Variants in DCC observed in about 807,000 individuals in gnomAD.
DCC encodes the protein DCC netrin 1 receptor, also known as netrin receptor DCC.
In DCC, 58 loss-of-function variants were observed where a neutral mutation model predicts 172.5. That is an observed-to-expected ratio of 0.34 (90% confidence interval 0.27 to 0.42). The LOEUF (loss-of-function observed/expected upper bound fraction) is 0.42. Among genes scored for constraint, DCC ranks in the 10% least tolerant of loss-of-function variants. The pLI is 1.00. For synonymous variants in DCC, 709 were observed against 644.5 expected (o/e 1.10, Z -1.52); for missense variants, 1,740 against 1,791.0 (o/e 0.97, Z 0.51).
At chr18:52,731,378 T>C (rs775825632) in intron 1 of DCC, among the ~76,000 whole-genome samples, 31 of 152,260 alleles carry the variant, frequency 2.0e-4, no homozygotes, top group Admixed American at 8.5e-4. Context: ...AGGAAAAAAA[T>C]GCACAAAGAG....
At chr18:52,802,804 G>A (rs1255394872) in intron 2 of DCC, among the ~76,000 whole-genome samples, 1 of 150,920 alleles carries the variant, frequency 6.6e-6, no homozygotes, top group Admixed American at 6.6e-5. Flanking sequence ...CTGTAGCCCA[G>A]CCCTGAAAAT....
At chr18:52,629,531 A>G (rs899288046) in intron 1 of DCC, among the ~76,000 whole-genome samples, 6 of 152,134 alleles carry the variant, frequency 3.9e-5, no homozygotes, top group Non-Finnish European at 8.8e-5. Flanking sequence ...CAAGTAAGAG[A>G]GGGCCGAGCA....
intron 9 of DCC, among the ~76,000 whole-genome samples, chr18:53,183,854 CT>C (rs1443145276): frequency 6.6e-6 from 1 of 151,932 alleles, no homozygotes; most frequent in Non-Finnish European, 1.5e-5. Context: ...ACATTACTAC[CT>C]GTATCCTAGA....
chr18:53,439,336 C>T lies in DCC; in HGVS notation c.3229+4127C>T, dbSNP rs1912127750. On this transcript the variant is annotated intron_variant, in intron 22 of 28. Transcript: ENST00000442544. ...CAAGTGAGGCCCCTGAGTAATAAAA[C>T]TCCAATTGTACTTCACCCTTATAAA... Among the ~76,000 whole-genome samples, 6 of 152,150 alleles carry T rather than the reference C, an allele frequency of 3.9e-5. No homozygotes were observed. The South Asian group carries it at 1.0e-3, about 26-fold the overall frequency.
chr18:53,229,194 T>C (rs190793631), intron 12 of DCC, among the ~76,000 whole-genome samples: 4 of 152,236 alleles, frequency 2.6e-5, no homozygotes, highest in Admixed American at 2.6e-4. Context: ...ATAAAATCTT[T>C]TAAAAACAAA....
Position 52,746,151 on chromosome 18 carries a change from A to G in DCC, c.92-5903A>G, listed in dbSNP as rs190877060. The stretch of plus-strand genomic sequence containing the variant: ...CATAGAATTATTTTTATTTCCTTCA[A>G]TGGAGGTCTCTTTATTTGTCTTAAG... On this transcript the variant is annotated intron_variant, in intron 1 of 28. Coordinates refer to ENST00000442544, the MANE Select transcript of DCC (RefSeq NM_005215.4). Among the ~76,000 whole-genome samples, 27 of 152,280 alleles carry G rather than the reference A, an allele frequency of 1.8e-4. No individual in the cohort carries two copies. The East Asian group carries it at 2.5e-3, about 14-fold the overall frequency.
rs182336587 is a variant in DCC, at chr18:53,183,130, T to C, written c.1573+4014T>C. The stretch of plus-strand genomic sequence containing the variant: ...AAGTTTTTCATATTATTTGAAAATA[T>C]CAACTCTATTATACAAACCATATTT... On this transcript the variant is annotated intron_variant, in intron 9 of 28. Coordinates refer to ENST00000442544, the MANE Select transcript of DCC (RefSeq NM_005215.4). Among the ~76,000 whole-genome samples the C allele has an allele frequency of 5.9e-5, 9 of 152,262 alleles. No individual in the cohort carries two copies. The East Asian group carries it at 1.2e-3, about 20-fold the overall frequency.
At chr18:53,335,830 G>T (rs534988541) in intron 14 of DCC, among the ~76,000 whole-genome samples, 2 of 152,096 alleles carry the variant, frequency 1.3e-5, no homozygotes, top group Non-Finnish European at 2.9e-5. Context: ...TCACAATCAC[G>T]GCAGAAGGTG....
At chr18:53,213,032 G>GA (rs2055782636) in intron 11 of DCC, among the ~76,000 whole-genome samples, 1 of 152,034 alleles carries the variant, frequency 6.6e-6, no homozygotes, top group East Asian at 1.9e-4. Context: ...GGTAGCTACA[G>GA]AAAAAAGAAC....
chr18:52,914,143 CTT>C (rs1169087321), intron 3 of DCC, among the ~76,000 whole-genome samples: 1 of 151,896 alleles, frequency 6.6e-6, no homozygotes, highest in African/African-American at 2.4e-5. Flanking sequence ...TCCAAACTAA[CTT>C]TGACACATCA....
chr18:52,464,441 T>C (rs1044865314), intron 1 of DCC, among the ~76,000 whole-genome samples: 6 of 152,168 alleles, frequency 3.9e-5, no homozygotes, highest in Non-Finnish European at 7.4e-5. Flanking sequence ...GCTCTTTGTA[T>C]AAAGAGCTGT....
chr18:52,407,125 G>A (rs1007080923), intron 1 of DCC, among the ~76,000 whole-genome samples: 2 of 151,936 alleles, frequency 1.3e-5, no homozygotes. Flanking sequence ...CCTGCAGCTA[G>A]GTGTTGATTA....
chr18:52,818,506 A>AGC (rs2038345738), intron 2 of DCC, among the ~76,000 whole-genome samples: 1 of 152,146 alleles, frequency 6.6e-6, no homozygotes, highest in Non-Finnish European at 1.5e-5. Flanking sequence ...GCCATTTGTA[A>AGC]AATGGGTGAA....
intron 27 of DCC, among the ~76,000 whole-genome samples, chr18:53,509,281 A>AATT (rs1209992632): frequency 1.3e-5 from 2 of 152,206 alleles, no homozygotes; most frequent in African/African-American, 4.8e-5. Flanking sequence ...CTCACTGAAA[A>AATT]ATTATACATT....
intron 1 of DCC, among the ~76,000 whole-genome samples, chr18:52,462,678 C>G (rs114795255): frequency 6.6e-6 from 1 of 152,080 alleles, no homozygotes; most frequent in African/African-American, 2.4e-5. Context: ...CCATGTCATA[C>G]ACCGTCTGTT....
At chr18:53,438,440 G>T (rs576625691) in intron 22 of DCC, among the ~76,000 whole-genome samples, 3 of 152,174 alleles carry the variant, frequency 2.0e-5, no homozygotes, top group Admixed American at 2.0e-4. Flanking sequence ...ATATAAAGAG[G>T]CCAAGTAACA....
rs111475887 is a variant in DCC, at chr18:53,124,020, A to G, written c.1262-33336A>G. 9.9e-3 allele frequency among the ~76,000 whole-genome samples: 1,499 copies of G among 152,152 alleles called. 34 individuals carry two copies. Among genetic ancestry groups the G allele is most frequent in the African/African-American group, 0.033 (1,390 of 41,542 alleles). On this transcript the variant is annotated intron_variant, in intron 7 of 28. Coordinates refer to ENST00000442544, the MANE Select transcript of DCC (RefSeq NM_005215.4). Reference sequence around the variant, plus strand: ...GATGCACAGGTAACTGAAGCTTCCCATCCCTGAAGTGCCTTCCCTGTATGC... The same window carrying G: ...GATGCACAGGTAACTGAAGCTTCCCGTCCCTGAAGTGCCTTCCCTGTATGC...
intron 2 of DCC, among the ~76,000 whole-genome samples, chr18:52,765,648 C>G (rs75318725): frequency 0.099 from 15,071 of 152,152 alleles, 950 homozygotes; most frequent in Middle Eastern, 0.22. Context: ...CCTAGACAAA[C>G]ACGCCTCCTT....
At chr18:52,840,620 C>G (rs1244321643) in intron 2 of DCC, among the ~76,000 whole-genome samples, 2 of 152,174 alleles carry the variant, frequency 1.3e-5, no homozygotes, top group African/African-American at 4.8e-5. Flanking sequence ...CTAAAGTCAT[C>G]ATCAGATTGG....
Sources: gnomAD v4.1 joint callset for allele counts (sites outside exome capture counted in the v4.1 genomes callset) on GRCh38, gnomAD v4.1.1 for gene constraint, MANE v1.5 for transcripts, NCBI Gene and HGNC (gene_info 2026-07-23, HGNC 2026-07-21) for gene names.